Variants in RYR3 observed in about 807,000 individuals in gnomAD.
RYR3 encodes the protein ryanodine receptor 3.
Under a neutral mutation model 584.3 loss-of-function variants are expected in RYR3, and 207 were observed. The ratio of observed to expected loss-of-function variants is 0.35; its 90% CI spans 0.32 to 0.40. The LOEUF is 0.40. Ranked by LOEUF, RYR3 falls within the 10% of genes least tolerant of loss-of-function variation. RYR3 has a pLI of 1.00. For synonymous variants in RYR3, 2,416 were observed against 2,248.5 expected (o/e 1.07, Z -2.11); for missense variants, 5,616 against 6,089.2 (o/e 0.92, Z 2.59).
intron 2 of RYR3, among the ~76,000 whole-genome samples, chr15:33,486,632 G>A (rs1333139915): frequency 6.6e-6 from 1 of 152,104 alleles, no homozygotes; most frequent in East Asian, 1.9e-4. Flanking sequence ...AGGAATAATA[G>A]GTCAAAGTAC....
rs544626105 is a variant in RYR3, at chr15:33,423,657, G to GT, written c.52-49752dup. ...TTTATCAACATTTATTATTTTCCAGGTTTTTTTTTTAATATTGTCATAGCC... is the reference window on the plus strand; with the variant it reads ...TTTATCAACATTTATTATTTTCCAGGTTTTTTTTTTTAATATTGTCATAGCC... On this transcript the variant is annotated intron_variant, in intron 1 of 103. Transcript: ENST00000634891. Among the ~76,000 whole-genome samples, 1,466 of 146,888 alleles carry GT rather than the reference G, an allele frequency of 1.0e-2. 11 individuals carry two copies. Among genetic ancestry groups the GT allele is most frequent in the Non-Finnish European group, 0.015 (1,043 of 67,516 alleles).
intron 54 of RYR3, 82 bp from the exon 55 acceptor site, chr15:33,748,385 AT>A: frequency 6.5e-7 from 1 of 1,542,944 alleles, no homozygotes; most frequent in Non-Finnish European, 8.9e-7. Context: ...TTCAGGACAC[AT>A]TTTTGACAGC....
At chr15:33,836,459 G>C (rs940423042) in intron 87 of RYR3, among the ~76,000 whole-genome samples, 2 of 151,550 alleles carry the variant, frequency 1.3e-5, no homozygotes, top group Non-Finnish European at 2.9e-5. Context: ...CTAGAATTAG[G>C]AGACTCTAAA....
chr15:33,707,382 C>T (rs1302358361), intron 43 of RYR3, among the ~76,000 whole-genome samples: 2 of 152,134 alleles, frequency 1.3e-5, no homozygotes, highest in Non-Finnish European at 2.9e-5. Flanking sequence ...TCACCTGTTT[C>T]ACAGAGCTAA....
At chr15:33,773,687 A>C in intron 64 of RYR3, 72 bp downstream of exon 64, 4 of 993,862 alleles carry the variant, frequency 4.0e-6, no homozygotes, top group Non-Finnish European at 6.2e-6. Context: ...TACACACTTA[A>C]TGATATCATT....
intron 32 of RYR3, among the ~76,000 whole-genome samples, chr15:33,657,414 A>G (rs901833362): frequency 1.3e-5 from 2 of 152,236 alleles, no homozygotes; most frequent in Non-Finnish European, 2.9e-5. Context: ...ACTGGTCCAG[A>G]TGAAGTTTCC....
intron 94 of RYR3, 169 bp from the exon 95 acceptor site, chr15:33,852,876 C>T (rs1161366042): frequency 3.2e-6 from 2 of 620,432 alleles, no homozygotes; most frequent in Non-Finnish European, 5.8e-6. Flanking sequence ...ATACATGACT[C>T]AGTAGAGCCT....
At chr15:33,557,501 C>T (rs932833465) in intron 10 of RYR3, among the ~76,000 whole-genome samples, 2 of 152,150 alleles carry the variant, frequency 1.3e-5, no homozygotes, top group African/African-American at 2.4e-5. Context: ...TCTTCTGCCT[C>T]GGCTTCCTGA....
intron 53 of RYR3, 68 bp downstream of exon 53, chr15:33,746,225 G>C (rs1359483746): frequency 1.7e-5 from 18 of 1,062,686 alleles, no homozygotes; most frequent in Non-Finnish European, 2.6e-5. Flanking sequence ...TTTTATCAGA[G>C]GAGTTCAGAG....
intron 1 of RYR3, among the ~76,000 whole-genome samples, chr15:33,471,675 T>C (rs1357532189): frequency 6.6e-6 from 1 of 151,914 alleles, no homozygotes; most frequent in Non-Finnish European, 1.5e-5. Flanking sequence ...TTTAGTTTTT[T>C]GGGGGGTTTT....
At chr15:33,599,549 G>GT (rs1462223274) in intron 16 of RYR3, among the ~76,000 whole-genome samples, 2 of 152,166 alleles carry the variant, frequency 1.3e-5, no homozygotes, top group Non-Finnish European at 2.9e-5. Flanking sequence ...TATACAAATG[G>GT]TTACATTCTT....
intron 46 of RYR3, among the ~76,000 whole-genome samples, chr15:33,726,775 A>G (rs2068496027): frequency 6.6e-6 from 1 of 152,248 alleles, no homozygotes; most frequent in South Asian, 2.1e-4. Flanking sequence ...CTTTCTCACC[A>G]TGACCAATTT....
intron 66 of RYR3, 91 bp downstream of exon 66, chr15:33,786,073 G>A: frequency 8.7e-7 from 1 of 1,151,004 alleles, no homozygotes; most frequent in Non-Finnish European, 1.2e-6. Flanking sequence ...AGATGGTTTT[G>A]CACAAGCTCT....
At position 33,865,989 on chromosome 15, in the gene RYR3, G is replaced by A. The variant is rs553365907; in HGVS notation, c.*763G>A. 6.5e-6 allele frequency: 1 copy of A among 152,946 alleles called. No individual in the cohort carries two copies. Among genetic ancestry groups the A allele is most frequent in the South Asian group, 2.1e-4 (1 of 4,834 alleles). The allele number at this position is 152,946 out of a possible 1,614,324, so 9.5% of individuals were successfully genotyped here. A position where few individuals can be genotyped will look rare whatever the true frequency, so the allele number is the denominator to read the frequency against. ...TTCAGAAAAAAAATCTCAACCTTAT[G>A]CCAAAATGGAGTAATGCTTTATGGT... On this transcript the variant is annotated 3_prime_UTR_variant, in exon 104 of 104. Coordinates refer to ENST00000634891, the MANE Select transcript of RYR3 (RefSeq NM_001036.6).
intron 38 of RYR3, 107 bp downstream of exon 38, chr15:33,670,663 G>A: frequency 3.6e-6 from 4 of 1,121,934 alleles, no homozygotes; most frequent in Non-Finnish European, 5.0e-6. Flanking sequence ...TAACTTCAAA[G>A]AAAGCATCTG....
At position 33,701,008 on chromosome 15, in the gene RYR3, G is replaced by A. The variant is rs1291555681; in HGVS notation, c.6411G>A (p.Leu2137=). 3 of 1,613,466 alleles carry A rather than the reference G, an allele frequency of 1.9e-6. No homozygotes were observed. Among genetic ancestry groups the A allele is most frequent in the Non-Finnish European group, 2.5e-6 (3 of 1,179,684 alleles). ...ASPSMRGSTP[L]DVAASSVMDN... is the part of the protein sequence containing the mutation. ...CGTCGATGAGGGGATCCACCCCGCT[G>A]GATGTGGCAGCTTCCTCTGTGATGG... is the stretch of plus-strand genomic sequence containing the variant. The change falls in exon 42 of 104, where the codon CTG becomes CTA. Residue 2137 remains leucine, a synonymous_variant. Transcript: ENST00000634891.
chr15:33,778,159 G>T (rs889326774), intron 64 of RYR3, among the ~76,000 whole-genome samples: 12 of 114,610 alleles, frequency 1.0e-4, no homozygotes, highest in African/African-American at 2.7e-4. Flanking sequence ...GACAGAGCAA[G>T]ACTCTGTCTC....
intron 1 of RYR3, among the ~76,000 whole-genome samples, chr15:33,408,187 C>T (rs1308405545): frequency 6.6e-6 from 1 of 152,138 alleles, no homozygotes; most frequent in East Asian, 1.9e-4. Context: ...TCCCCAGTTG[C>T]TACTGTGGGC....
intron 102 of RYR3, among the ~76,000 whole-genome samples, chr15:33,863,681 T>C (rs1889359462): frequency 6.6e-6 from 1 of 152,176 alleles, no homozygotes; most frequent in African/African-American, 2.4e-5. Flanking sequence ...TCTGGAAGAA[T>C]CTCCATGAGA....
Sources: allele counts gnomAD v4.1 joint callset (sites outside exome capture counted in the v4.1 genomes callset), GRCh38; gene constraint gnomAD v4.1.1; transcripts MANE v1.5; gene names NCBI Gene and HGNC (gene_info 2026-07-23, HGNC 2026-07-21).